ACSL6: variants seen among roughly 807,000 people sequenced by gnomAD.
ACSL6 encodes long-chain-fatty-acid--CoA ligase 6.
ACSL6 carries 47 observed loss-of-function variants against 98.2 expected under a neutral mutation model. The ratio of observed to expected loss-of-function variants is 0.48; its 90% confidence interval spans 0.38 to 0.61. The LOEUF is 0.61. ACSL6 is among the 20% of genes least tolerant of loss of function. ACSL6 has a pLI of 0.00. For missense variants in ACSL6, 761 were observed against 913.4 expected (o/e 0.83, Z 2.15); for synonymous variants, 362 against 336.9 (o/e 1.07, Z -0.82).
At chr5:131,987,354 A>G (rs1356585776) in intron 7 of ACSL6, among the ~76,000 whole-genome samples, 2 of 152,246 alleles carry the variant, frequency 1.3e-5, no homozygotes, top group Non-Finnish European at 2.9e-5. Context: ...CTTCTGGATG[A>G]GCAGTCAGTG....
At chr5:131,957,219 A>G (rs1431692191) in intron 20 of ACSL6, among the ~76,000 whole-genome samples, 1 of 152,232 alleles carries the variant, frequency 6.6e-6, no homozygotes, top group East Asian at 1.9e-4. Context: ...GGAAATGCTC[A>G]TTTTCTTATT....
intron 1 of ACSL6, among the ~76,000 whole-genome samples, chr5:132,000,567 T>A (rs373865882): frequency 6.6e-6 from 1 of 152,074 alleles, no homozygotes; most frequent in East Asian, 1.9e-4. Flanking sequence ...ATGGCTAACA[T>A]GTGGCTGAGC....
intron 5 of ACSL6, 91 bp downstream of exon 5, chr5:131,989,315 TG>T: frequency 2.4e-6 from 3 of 1,238,408 alleles, no homozygotes; most frequent in Non-Finnish European, 3.5e-6. Flanking sequence ...TCTTTTGTCC[TG>T]GGCCCTACAA....
At chr5:131,994,567 G>A in intron 1 of ACSL6, 1 of 390,786 alleles carries the variant, frequency 2.6e-6, no homozygotes, top group South Asian at 2.4e-5. Flanking sequence ...CTCTGGGAAT[G>A]ATGCTTCCTG....
In ACSL6 at chr5:131,953,572, T is replaced by G. The variant is rs944575660; in HGVS notation, c.*662A>C. On this transcript the variant is annotated 3_prime_UTR_variant, in exon 21 of 21. Coordinates refer to ENST00000651883, the MANE Select transcript of ACSL6 (RefSeq NM_001009185.3). ...ATGAGCCATGATTAAGCCACTGCAC[T>G]CCAGCCTAGGTGACAGAGCAGACCC... 2.1e-5 allele frequency: 4 copies of G among 188,584 alleles called. No homozygotes were observed. Among genetic ancestry groups the G allele is most frequent in the Non-Finnish European group, 4.5e-5 (4 of 89,684 alleles). The allele number at this position is 188,584 out of a possible 1,614,324, so 11.7% of individuals were successfully genotyped here.
chr5:132,006,115 G>A (rs1172416286), intron 1 of ACSL6, among the ~76,000 whole-genome samples: 6 of 152,148 alleles, frequency 3.9e-5, no homozygotes, highest in Non-Finnish European at 5.9e-5. Flanking sequence ...TCCCCCAGAC[G>A]CCCCTACTAC....
intron 18 of ACSL6, among the ~76,000 whole-genome samples, chr5:131,962,040 A>G (rs1280336525): frequency 7.0e-6 from 1 of 142,250 alleles, no homozygotes; most frequent in East Asian, 2.5e-4. Flanking sequence ...ATAGCTGGGC[A>G]TGGTGGTGTG....
At chr5:131,997,086 C>T (rs1754830636) in intron 1 of ACSL6, among the ~76,000 whole-genome samples, 1 of 152,344 alleles carries the variant, frequency 6.6e-6, no homozygotes, top group South Asian at 2.1e-4. Context: ...ATCAGTGCTA[C>T]AAGTCTGTGA....
chr5:131,952,269 CTG>C lies in ACSL6; in HGVS notation c.*1963_*1964del, dbSNP rs1752196268. 2 of 197,166 alleles carry C rather than the reference CTG, an allele frequency of 1.0e-5. No individual in the cohort carries two copies. Among genetic ancestry groups the C allele is most frequent in the Non-Finnish European group, 2.1e-5 (2 of 95,282 alleles). 12.2% of individuals were successfully genotyped at this position (197,166 alleles called of 1,614,324 possible). On this transcript the variant is annotated 3_prime_UTR_variant, in exon 21 of 21. Coordinates refer to ENST00000651883, the MANE Select transcript of ACSL6 (RefSeq NM_001009185.3). ...TGTATAGAACTAGCTCATTTCTTAA[CTG>C]TCAAATTTAGAAGTGCAACAGTGGG...
chr5:132,011,926 G>T (rs953096958), upstream of ACSL6: 4 of 1,555,616 alleles, frequency 2.6e-6, no homozygotes, highest in Middle Eastern at 6.2e-4. This position sits in a 1 kb window ranked among gnomAD's most constrained non-coding sequence, Gnocchi z 5.4. Flanking sequence ...GGCATTCTGC[G>T]GAAACCGGCT....
chr5:132,002,591 C>T (rs943919537), intron 1 of ACSL6, among the ~76,000 whole-genome samples: 10 of 152,226 alleles, frequency 6.6e-5, no homozygotes, highest in South Asian at 4.2e-4. Context: ...CCTGGGGACA[C>T]GTGCTAGGGG....
chr5:131,960,465 T>C (rs1471112222), intron 19 of ACSL6, 55 bp downstream of exon 19: 2 of 1,464,464 alleles, frequency 1.4e-6, no homozygotes, highest in South Asian at 1.3e-5. Context: ...CTTCTCATTA[T>C]GTGGTACCAT....
intron 18 of ACSL6, among the ~76,000 whole-genome samples, chr5:131,961,442 C>T (rs759840621): frequency 2.0e-5 from 3 of 151,880 alleles, no homozygotes; most frequent in Admixed American, 2.0e-4. Context: ...CCTGTAATCC[C>T]AGCACTTTGG....
chr5:131,989,736 G>A (rs1174946043), intron 4 of ACSL6, among the ~76,000 whole-genome samples: 2 of 152,042 alleles, frequency 1.3e-5, no homozygotes, highest in Non-Finnish European at 2.9e-5. Flanking sequence ...TGGGATTACA[G>A]GTGCATGCCA....
intron 20 of ACSL6, among the ~76,000 whole-genome samples, chr5:131,956,395 T>C (rs1390095331): frequency 1.3e-5 from 2 of 152,186 alleles, no homozygotes; most frequent in Non-Finnish European, 2.9e-5. Flanking sequence ...GTCTATAAAA[T>C]AGTTCTGCCT....
Position 131,958,430 on chromosome 5 carries a change from T to C in ACSL6, c.2031+1106A>G, listed in dbSNP as rs542621060. Among the ~76,000 whole-genome samples the C allele has an allele frequency of 1.2e-4, 18 of 152,354 alleles. No individual in the cohort carries two copies. The East Asian group carries it at 3.5e-3, about 29-fold the overall frequency. On this transcript the variant is annotated intron_variant, in intron 20 of 20. Coordinates refer to ENST00000651883, the MANE Select transcript of ACSL6 (RefSeq NM_001009185.3). The stretch of plus-strand genomic sequence containing the variant: ...GTTCATATGCCAAAATTGACCTTTG[T>C]CTTTTAGAAAGATAAATGTAACTTG...
At position 131,988,064 on chromosome 5, in the gene ACSL6, G is replaced by C; in HGVS notation, c.815C>G (p.Ser272Cys). Residue 272 changes from serine (S) to cysteine (C), a missense_variant, in exon 7 of 21, where the codon TCC becomes TGC. Physicochemically the swap from Ser to Cys is moderately radical, Grantham distance 112. Transcript: ENST00000651883. The stretch of plus-strand genomic sequence containing the variant: ...GACCCTCACCTCCACGGCCTGCATG[G>C]ACTTAATGACCACCCCGCACTTCTG... ...RGQKCGVVIK[S>C]MQAVEDCGQE... 1 of 1,614,118 alleles carries C rather than the reference G, an allele frequency of 6.2e-7. No homozygotes were observed. Among genetic ancestry groups the C allele is most frequent in the Non-Finnish European group, 8.5e-7 (1 of 1,179,986 alleles).
At position 131,973,310 on chromosome 5, in the gene ACSL6, T is replaced by C. The variant is rs763478667; in HGVS notation, c.1159A>G (p.Ile387Val). The change falls in exon 12 of 21, where the codon ATC becomes GTC. Residue 387 changes from isoleucine (I) to valine (V), a missense_variant. By Grantham distance (29) the Ile-to-Val change is conservative (BLOSUM62 3). Coordinates refer to ENST00000651883, the MANE Select transcript of ACSL6 (RefSeq NM_001009185.3). ...AGCAGTCGTGGGACCACAGGGAAGA[T>C]GGTGGGGCATAGAGCCTTCATGTCA... ...SDDMKALCPT[I>V]FPVVPRLLNR... 1.9e-6 allele frequency: 3 copies of C among 1,614,148 alleles called. No individual in the cohort carries two copies. The highest frequency in any genetic ancestry group is 2.5e-6 in the Non-Finnish European group (3 of 1,180,024).
chr5:131,985,602 G>A, intron 8 of ACSL6, 144 bp from the exon 9 acceptor site: 1 of 806,316 alleles, frequency 1.2e-6, no homozygotes, highest in Non-Finnish European at 2.0e-6. Flanking sequence ...GCATGCTCCT[G>A]TGTGCTGCGC....
Sources: allele counts gnomAD v4.1 joint callset (sites outside exome capture counted in the v4.1 genomes callset), GRCh38; gene constraint gnomAD v4.1.1; non-coding constraint Gnocchi (gnomAD v3.1); transcripts MANE v1.5; gene names NCBI Gene and HGNC (gene_info 2026-07-23, HGNC 2026-07-21).